CRTC2: variants seen among roughly 807,000 people sequenced by gnomAD.
CRTC2 encodes the protein CREB regulated transcription coactivator 2, also known as CREB-regulated transcription coactivator 2.
CRTC2 carries 25 observed loss-of-function variants against 70.9 expected under a neutral mutation model. That is an observed-to-expected ratio of 0.35 (90% confidence interval 0.26 to 0.49). The LOEUF (loss-of-function observed/expected upper bound fraction) is 0.49, where lower values mean the gene tolerates loss of function less well. Ranked by LOEUF, CRTC2 falls within the 20% of genes least tolerant of loss-of-function variation. CRTC2 has a pLI of 0.98. For synonymous variants in CRTC2, 330 were observed against 364.1 expected (o/e 0.91, Z 1.07); for missense variants, 737 against 882.6 (o/e 0.83, Z 2.09).
chr1:153,957,602 G>A (rs1449568204), intron 1 of CRTC2, among the ~76,000 whole-genome samples: 3 of 151,896 alleles, frequency 2.0e-5, no homozygotes, highest in Non-Finnish European at 4.4e-5. Flanking sequence ...ACCCTCCAAG[G>A]CACCCTACAC....
rs887623944 is a variant in CRTC2 at position 153,958,604 on chromosome 1, C to T, written c.-107G>A. 11 of 1,194,218 alleles carry T rather than the reference C, an allele frequency of 9.2e-6. No individual in the cohort carries two copies. Among genetic ancestry groups the T allele is most frequent in the Admixed American group, 2.8e-5 (1 of 35,900 alleles). 74.0% of individuals were successfully genotyped at this position (1,194,218 alleles called of 1,614,324 possible). On this transcript the variant is annotated 5_prime_UTR_variant, in exon 1 of 14. Coordinates refer to ENST00000368633, the MANE Select transcript of CRTC2 (RefSeq NM_181715.3). ...TAGCCACCGCCGCCTCAGCGAGCACCGCGAACCCGGCCCCAGCCTAGCCCT... is the reference window on the plus strand; with the variant it reads ...TAGCCACCGCCGCCTCAGCGAGCACTGCGAACCCGGCCCCAGCCTAGCCCT...
chr1:153,951,829 CTTCT>C (rs1680338311), intron 10 of CRTC2, 163 bp from the exon 11 acceptor site: 8 of 1,079,500 alleles, frequency 7.4e-6, no homozygotes, highest in Non-Finnish European at 6.6e-6. Flanking sequence ...TGCCCTTCCT[CTTCT>C]TTCTAGGAAA....
At chr1:153,956,643 C>T (rs1557872375) in intron 1 of CRTC2, among the ~76,000 whole-genome samples, 1 of 152,116 alleles carries the variant, frequency 6.6e-6, no homozygotes, top group South Asian at 2.1e-4. Flanking sequence ...TATGGCAACC[C>T]CAGTATCTCA....
At chr1:153,955,691 A>G (rs1680586851) in intron 1 of CRTC2, among the ~76,000 whole-genome samples, 1 of 138,588 alleles carries the variant, frequency 7.2e-6, no homozygotes, top group Non-Finnish European at 1.6e-5. Context: ...CAAAAAAAAA[A>G]AAGTTAAAAA....
chr1:153,954,398 T>TAAA (rs1189232623), intron 3 of CRTC2, 82 bp from the exon 4 acceptor site: 2 of 965,536 alleles, frequency 2.1e-6, no homozygotes, highest in Non-Finnish European at 3.3e-6. Context: ...AGGCAGCAGA[T>TAAA]AAGTTGTTTC....
At chr1:153,958,254 C>G (rs1396551290) in intron 1 of CRTC2, 91 bp downstream of exon 1, 1 of 1,519,602 alleles carries the variant, frequency 6.6e-7, no homozygotes, top group Non-Finnish European at 8.8e-7. Context: ...GTTCCGCCTC[C>G]TTCGCTGCGG....
chr1:153,948,606 C>G lies in CRTC2; in HGVS notation c.1713G>C (p.Leu571=). ...QFSMESPSAS[L]VLDPPGFSEG... is the part of the protein sequence containing the mutation. The stretch of plus-strand genomic sequence containing the variant: ...CAGAAAAGCCAGGGGGATCCAGCAC[C>G]AGGCTGGCTGATGGGCTCTCCATGC... The change falls in exon 13 of 14, where the codon CTG becomes CTC. Residue 571 remains leucine, a synonymous_variant. Transcript: ENST00000368633. 1 of 1,597,548 alleles carries G rather than the reference C, an allele frequency of 6.3e-7. No individual in the cohort carries two copies. Among genetic ancestry groups the G allele is most frequent in the Non-Finnish European group, 8.5e-7 (1 of 1,173,446 alleles).
chr1:153,956,211 C>G (rs1680606106), intron 1 of CRTC2, among the ~76,000 whole-genome samples: 2 of 152,220 alleles, frequency 1.3e-5, no homozygotes, highest in African/African-American at 4.8e-5. Context: ...GGACATTCTT[C>G]CACTGAATCC....
intron 10 of CRTC2, 138 bp downstream of exon 10, chr1:153,951,880 C>T (rs550207174): frequency 1.9e-5 from 24 of 1,272,752 alleles, no homozygotes; most frequent in Admixed American, 1.8e-4. Flanking sequence ...TGAGAACTGC[C>T]GTGAGGGAAT....
In CRTC2 at chr1:153,947,972, T is replaced by C. The variant is rs1415136559; in HGVS notation, c.*137A>G. 2 of 923,002 alleles carry C rather than the reference T, an allele frequency of 2.2e-6. No homozygotes were observed. The highest frequency in any genetic ancestry group is 5.3e-5 in the East Asian group (2 of 37,890). The allele number at this position is 923,002 out of a possible 1,614,324, so 57.2% of individuals were successfully genotyped here. A position where few individuals can be genotyped will look rare whatever the true frequency, so the allele number is the denominator to read the frequency against. On this transcript the variant is annotated 3_prime_UTR_variant, in exon 14 of 14. Transcript: ENST00000368633. Reference sequence around the variant, plus strand: ...ACCTGGACAAACCCCTTGCTTTTTCTCATTCTTGGCATCCTTCATTCATGC... The same window carrying C: ...ACCTGGACAAACCCCTTGCTTTTTCCCATTCTTGGCATCCTTCATTCATGC...
At chr1:153,958,290 G>A (rs1680745248) in intron 1 of CRTC2, 55 bp downstream of exon 1, 1 of 1,574,784 alleles carries the variant, frequency 6.4e-7, no homozygotes, top group Admixed American at 1.8e-5. Flanking sequence ...CGCCTCTCCG[G>A]TCTCCGCTCC....
intron 5 of CRTC2, 32 bp from the exon 6 acceptor site, chr1:153,953,401 G>C (rs749070873): frequency 7.1e-6 from 11 of 1,549,172 alleles, no homozygotes; most frequent in African/African-American, 1.4e-5. Context: ...GCTGACACCA[G>C]TGACAGTCTT....
chr1:153,958,557 C>A lies in CRTC2; in HGVS notation c.-60G>T. ...TACCAGCCGCGGCCTCCGCCGCGGC[C>A]TCGGCCCGGCTCCTCCAGCCGTAGC... On this transcript the variant is annotated 5_prime_UTR_variant, in exon 1 of 14. It adds an upstream start codon to the 5' untranslated region. Coordinates refer to ENST00000368633, the MANE Select transcript of CRTC2 (RefSeq NM_181715.3). 6.9e-7 allele frequency: 1 copy of A among 1,459,480 alleles called. No homozygotes were observed. Among genetic ancestry groups the A allele is most frequent in the Non-Finnish European group, 9.2e-7 (1 of 1,090,924 alleles). The allele number at this position is 1,459,480 out of a possible 1,614,324, so 90.4% of individuals were successfully genotyped here.
At chr1:153,951,764 C>G in intron 10 of CRTC2, 98 bp from the exon 11 acceptor site, 7 of 1,340,436 alleles carry the variant, frequency 5.2e-6, no homozygotes, top group Non-Finnish European at 7.2e-6. Flanking sequence ...ACTATGAAAG[C>G]GGCAACACAA....
chr1:153,951,571 C>T lies in CRTC2; in HGVS notation c.1093G>A (p.Gly365Ser). Residue 365 changes from glycine (G) to serine (S), a missense_variant, in exon 11 of 14, where the codon GGC (glycine) becomes AGC (serine). Physicochemically the swap from Gly to Ser is moderately conservative, Grantham distance 56. Coordinates refer to ENST00000368633, the MANE Select transcript of CRTC2 (RefSeq NM_181715.3). ...SLSSPQPQLQ[G>S]SHSHPSLPAS... is the part of the protein sequence containing the mutation. Reference sequence around the variant, plus strand: ...GGCAGAGAGGGGTGGCTGTGGGAGCCCTGAAGCTGGGGCTGAGGACTGCTC... The same window carrying T: ...GGCAGAGAGGGGTGGCTGTGGGAGCTCTGAAGCTGGGGCTGAGGACTGCTC... The T allele has an allele frequency of 1.2e-6, 2 of 1,611,980 alleles. No individual in the cohort carries two copies. The highest frequency in any genetic ancestry group is 2.7e-5 in the African/African-American group (2 of 74,834).
intron 1 of CRTC2, chr1:153,958,035 G>T (rs907434358): frequency 1.2e-5 from 15 of 1,256,376 alleles, no homozygotes; most frequent in Non-Finnish European, 6.0e-6. Flanking sequence ...AGGGGACTCC[G>T]TCAGGGATGC....
In CRTC2 at chr1:153,952,750, C is replaced by T. The variant is rs191461887; in HGVS notation, c.637+55G>A. On this transcript the variant is annotated intron_variant, in intron 7 of 13. Transcript: ENST00000368633. Reference sequence around the variant, plus strand: ...TCCCTGAACCTGCACACAATCCCAACACCAGCCCAGAAATTCTTTGGCATT... The same window carrying T: ...TCCCTGAACCTGCACACAATCCCAATACCAGCCCAGAAATTCTTTGGCATT... 85 of 1,612,902 alleles carry T rather than the reference C, an allele frequency of 5.3e-5. 1 individual carries two copies. The African/African-American group carries it at 8.0e-4, about 15-fold the overall frequency.
At position 153,947,762 on chromosome 1, in the gene CRTC2, G is replaced by A. The variant is rs1571067726; in HGVS notation, c.*347C>T. ...GCTCTCTCCTCCACTGCAAGGGGAA[G>A]AGTGGTGAGGAGGGGCTGGCACTGC... On this transcript the variant is annotated 3_prime_UTR_variant, in exon 14 of 14. Coordinates refer to ENST00000368633, the MANE Select transcript of CRTC2 (RefSeq NM_181715.3). 3.5e-6 allele frequency: 1 copy of A among 287,232 alleles called. No individual in the cohort carries two copies. Among genetic ancestry groups the A allele is most frequent in the East Asian group, 7.8e-5 (1 of 12,884 alleles). The allele number at this position is 287,232 out of a possible 1,614,324, so 17.8% of individuals were successfully genotyped here. A position where few individuals can be genotyped will look rare whatever the true frequency, so the allele number is the denominator to read the frequency against.
At chr1:153,953,067 C>T (rs1476993013) in intron 6 of CRTC2, 199 bp downstream of exon 6, 1 of 619,434 alleles carries the variant, frequency 1.6e-6, no homozygotes, top group Non-Finnish European at 2.8e-6. Context: ...CCTGTAATCC[C>T]AGCTACTCAG....
Sources: allele counts gnomAD v4.1 joint callset (sites outside exome capture counted in the v4.1 genomes callset), GRCh38; gene constraint gnomAD v4.1.1; transcripts MANE v1.5; gene names NCBI Gene and HGNC (gene_info 2026-07-23, HGNC 2026-07-21).